Variants in IMMP2L observed in about 807,000 individuals in gnomAD.
IMMP2L encodes the protein inner mitochondrial membrane peptidase subunit 2.
IMMP2L carries 18 observed loss-of-function variants against 19.3 expected under a neutral mutation model. The ratio of observed to expected loss-of-function variants is 0.93; its 90% CI spans 0.64 to 1.38. IMMP2L has a LOEUF of 1.38. IMMP2L is among the 40% of genes most tolerant of loss of function. IMMP2L has a pLI of 0.00. For missense variants in IMMP2L, 233 were observed against 218.2 expected (o/e 1.07, Z -0.43); for synonymous variants, 76 against 73.0 (o/e 1.04, Z -0.21).
chr7:111,502,980 C>A (rs1844457649), intron 2 of IMMP2L, among the ~76,000 whole-genome samples: 1 of 150,578 alleles, frequency 6.6e-6, no homozygotes, highest in East Asian at 1.9e-4. Context: ...CAGAGCAGAA[C>A]TGAAGGAAAT....
intron 1 of IMMP2L, among the ~76,000 whole-genome samples, chr7:111,549,889 C>T (rs58593540): frequency 0.046 from 6,835 of 149,072 alleles, 199 homozygotes; most frequent in South Asian, 0.091. Flanking sequence ...TGCAGTGAGC[C>T]GAGATCACGT....
intron 5 of IMMP2L, among the ~76,000 whole-genome samples, chr7:110,868,882 C>T (rs952090170): frequency 6.7e-6 from 1 of 148,198 alleles, no homozygotes; most frequent in East Asian, 2.0e-4. Flanking sequence ...GAACTGAATG[C>T]AAAAAGAAAC....
intron 3 of IMMP2L, among the ~76,000 whole-genome samples, chr7:111,317,379 C>T (rs183329914): frequency 6.6e-6 from 1 of 151,950 alleles, no homozygotes; most frequent in Non-Finnish European, 1.5e-5. Flanking sequence ...AGGATTTTGC[C>T]AAGCTTAATA....
intron 3 of IMMP2L, among the ~76,000 whole-genome samples, chr7:111,230,014 T>C (rs1363738832): frequency 2.0e-5 from 3 of 152,024 alleles, no homozygotes; most frequent in Non-Finnish European, 4.4e-5. Context: ...TTTTCAGCTT[T>C]ATGGAACAAC....
chr7:110,945,603 T>A (rs1817174217), intron 4 of IMMP2L, among the ~76,000 whole-genome samples: 1 of 151,930 alleles, frequency 6.6e-6, no homozygotes, highest in Admixed American at 6.6e-5. Context: ...CAGCTTCCAC[T>A]TTTTCTATAG....
chr7:110,775,093 A>C (rs537679839), intron 5 of IMMP2L, among the ~76,000 whole-genome samples: 30 of 152,218 alleles, frequency 2.0e-4, no homozygotes, highest in Non-Finnish European at 3.8e-4. Flanking sequence ...ATGCTGTTTC[A>C]ATTTTGGAAT....
chr7:111,478,086 C>T (rs1366541837), intron 3 of IMMP2L, among the ~76,000 whole-genome samples: 1 of 152,122 alleles, frequency 6.6e-6, no homozygotes, highest in Non-Finnish European at 1.5e-5. Flanking sequence ...TTCCTACTCT[C>T]CTATTCTCCT....
chr7:111,392,429 C>A (rs1832450543), intron 3 of IMMP2L, among the ~76,000 whole-genome samples: 1 of 152,142 alleles, frequency 6.6e-6, no homozygotes, highest in African/African-American at 2.4e-5. Context: ...TACAACTGAA[C>A]ACACTTCCCA....
intron 5 of IMMP2L, among the ~76,000 whole-genome samples, chr7:110,719,440 A>AT (rs966294480): frequency 3.3e-5 from 5 of 151,746 alleles, no homozygotes; most frequent in East Asian, 1.9e-4. Flanking sequence ...ATTGATCAGG[A>AT]TTTTTTTTTA....
chr7:111,161,868 T>C (rs1805299525), intron 3 of IMMP2L, among the ~76,000 whole-genome samples: 1 of 152,022 alleles, frequency 6.6e-6, no homozygotes, highest in African/African-American at 2.4e-5. Flanking sequence ...ACAGGACAAT[T>C]TTTAAGACAA....
intron 3 of IMMP2L, among the ~76,000 whole-genome samples, chr7:111,116,875 T>C (rs1799941022): frequency 6.6e-6 from 1 of 152,042 alleles, no homozygotes; most frequent in African/African-American, 2.4e-5. Context: ...AAATAAACAT[T>C]TGAGAGAAAG....
intron 3 of IMMP2L, among the ~76,000 whole-genome samples, chr7:111,108,901 T>C (rs948073608): frequency 1.3e-5 from 2 of 152,188 alleles, no homozygotes; most frequent in African/African-American, 4.8e-5. Flanking sequence ...TAGATATTTA[T>C]TGAACAACAA....
intron 5 of IMMP2L, among the ~76,000 whole-genome samples, chr7:110,692,118 C>T (rs1793546389): frequency 6.6e-6 from 1 of 152,024 alleles, no homozygotes; most frequent in Non-Finnish European, 1.5e-5. Flanking sequence ...TACACACTCC[C>T]CCCACAACAC....
chr7:111,542,658 C>T (rs923752918), intron 1 of IMMP2L, among the ~76,000 whole-genome samples: 17 of 152,152 alleles, frequency 1.1e-4, no homozygotes, highest in African/African-American at 4.1e-4. Context: ...CTGCAGCATT[C>T]AGATACTACT....
intron 5 of IMMP2L, among the ~76,000 whole-genome samples, chr7:110,820,561 G>GAC (rs375879074): frequency 0.019 from 2,924 of 150,600 alleles, 34 homozygotes; most frequent in Non-Finnish European, 0.028. Context: ...AGTATTATCT[G>GAC]ACACACACAC....
At chr7:111,421,484 G>C (rs1336848343) in intron 3 of IMMP2L, among the ~76,000 whole-genome samples, 1 of 150,700 alleles carries the variant, frequency 6.6e-6, no homozygotes, top group African/African-American at 2.5e-5. Context: ...GTGTTAGCCA[G>C]GATGGTCTCG....
At position 111,042,831 on chromosome 7, in the gene IMMP2L, T is replaced by C. The variant is rs143278510; in HGVS notation, c.240-79266A>G. On this transcript the variant is annotated intron_variant, in intron 3 of 5. Transcript: ENST00000405709. ...CTTTTCTTGACCCACTCTCTGGTAT[T>C]CTGATGCTAGGGAAAATAATAAAGA... Among the ~76,000 whole-genome samples the C allele has an allele frequency of 2.5e-3, 382 of 152,338 alleles. 3 individuals carry two copies. The highest frequency in any genetic ancestry group is 8.8e-3 in the African/African-American group (366 of 41,570).
chr7:111,555,141 T>C (rs1055791106), intron 1 of IMMP2L, among the ~76,000 whole-genome samples: 1 of 152,170 alleles, frequency 6.6e-6, no homozygotes, highest in Non-Finnish European at 1.5e-5. Flanking sequence ...ATAGCAGATA[T>C]TAATACATGT....
intron 3 of IMMP2L, among the ~76,000 whole-genome samples, chr7:111,484,549 T>A (rs916825095): frequency 1.3e-5 from 2 of 152,196 alleles, no homozygotes; most frequent in Non-Finnish European, 2.9e-5. Context: ...TATACACTTC[T>A]GTATGTGTCA....
Sources: gnomAD v4.1 joint callset for allele counts (sites outside exome capture counted in the v4.1 genomes callset) on GRCh38, gnomAD v4.1.1 for gene constraint, MANE v1.5 for transcripts, NCBI Gene and HGNC (gene_info 2026-07-23, HGNC 2026-07-21) for gene names.